Variants in SNX13 observed in about 807,000 individuals in gnomAD.
SNX13 encodes the protein sorting nexin 13, also known as sorting nexin-13.
A neutral mutation model predicts 133.6 loss-of-function variants in SNX13; 45 were observed. The ratio of observed to expected loss-of-function variants is 0.34; its 90% CI spans 0.27 to 0.43. SNX13 has a LOEUF of 0.43. Among genes scored for constraint, SNX13 ranks in the 20% least tolerant of loss-of-function variants. The pLI, the probability that SNX13 is intolerant of heterozygous loss-of-function variation, is 1.00. For synonymous variants in SNX13, 414 were observed against 373.9 expected, an observed-to-expected ratio of 1.11 and a Z score of -1.24; for missense variants, 1,032 against 1,145.1, an observed-to-expected ratio of 0.90 and a Z score of 1.43.
intron 5 of SNX13, chr7:17,882,359 C>A (rs1244660984): frequency 1.3e-5 from 2 of 152,070 alleles, no homozygotes; most frequent in Non-Finnish European, 2.9e-5. Flanking sequence ...TTATTGTTTT[C>A]AGCATTCTAT....
At chr7:17,824,100 T>G (rs995591633) in intron 17 of SNX13, among the ~76,000 whole-genome samples, 1 of 152,144 alleles carries the variant, frequency 6.6e-6, no homozygotes, top group African/African-American at 2.4e-5. Flanking sequence ...GTGATTTAGC[T>G]AGAAGGGTTT....
chr7:17,874,946 C>T (rs1220863384), intron 7 of SNX13, among the ~76,000 whole-genome samples: 2 of 152,202 alleles, frequency 1.3e-5, no homozygotes, highest in Non-Finnish European at 2.9e-5. Context: ...GAAATTACTA[C>T]AGATAAAAAA....
chr7:17,813,449 A>T (rs1264587350), intron 20 of SNX13, among the ~76,000 whole-genome samples: 2 of 152,224 alleles, frequency 1.3e-5, no homozygotes, highest in African/African-American at 4.8e-5. Context: ...TATTAAAAGA[A>T]AACACTAACT....
intron 4 of SNX13, 72 bp downstream of exon 4, chr7:17,891,474 T>A: frequency 1.8e-6 from 2 of 1,090,466 alleles, no homozygotes; most frequent in Non-Finnish European, 2.7e-6. Flanking sequence ...AAAAAGTATT[T>A]CCTGGTATCT....
intron 20 of SNX13, among the ~76,000 whole-genome samples, chr7:17,810,640 A>G (rs1785897570): frequency 6.6e-6 from 1 of 152,256 alleles, no homozygotes; most frequent in Admixed American, 6.5e-5. Context: ...AGTCCTTCCT[A>G]ACTCATTTTA....
intron 25 of SNX13, chr7:17,795,485 A>G (rs1201133262): frequency 1.3e-5 from 2 of 151,672 alleles, no homozygotes; most frequent in Admixed American, 1.3e-4. Flanking sequence ...CACCATCATC[A>G]TCTCAGTGAG....
At chr7:17,823,841 T>C (rs1027004445) in intron 17 of SNX13, among the ~76,000 whole-genome samples, 1 of 152,020 alleles carries the variant, frequency 6.6e-6, no homozygotes, top group African/African-American at 2.4e-5. Context: ...AGAGGCCAAT[T>C]AGGCAGCTAA....
intron 1 of SNX13, among the ~76,000 whole-genome samples, chr7:17,922,378 G>T (rs183872640): frequency 2.0e-5 from 3 of 152,272 alleles, no homozygotes; most frequent in Admixed American, 6.5e-5. Flanking sequence ...CTGCCCTCAT[G>T]TATATACCAC....
At chr7:17,867,119 T>C (rs1416132016) in intron 9 of SNX13, among the ~76,000 whole-genome samples, 1 of 152,196 alleles carries the variant, frequency 6.6e-6, no homozygotes. Flanking sequence ...TTTTTTATAG[T>C]TTTAATTGTG....
chr7:17,802,485 C>T (rs1784745079), intron 21 of SNX13, among the ~76,000 whole-genome samples: 1 of 152,124 alleles, frequency 6.6e-6, no homozygotes, highest in Admixed American at 6.6e-5. Context: ...TCAAGACCAT[C>T]TCAAGTTATT....
chr7:17,930,249 A>G (rs907446251), intron 1 of SNX13, among the ~76,000 whole-genome samples: 7 of 152,338 alleles, frequency 4.6e-5, no homozygotes, highest in African/African-American at 1.7e-4. Flanking sequence ...AGTCACACAT[A>G]TAAGAAAACT....
chr7:17,816,746 A>G (rs1355506025), intron 18 of SNX13, among the ~76,000 whole-genome samples: 1 of 152,240 alleles, frequency 6.6e-6, no homozygotes, highest in Non-Finnish European at 1.5e-5. Flanking sequence ...CAGAAAATAA[A>G]AAACATTGTC....
At chr7:17,915,383 C>A (rs1395399224) in intron 1 of SNX13, among the ~76,000 whole-genome samples, 1 of 152,216 alleles carries the variant, frequency 6.6e-6, no homozygotes, top group Non-Finnish European at 1.5e-5. Context: ...CTGGGCGGCA[C>A]TGGGGAGGTC....
chr7:17,869,990 A>C (rs1022981999), intron 8 of SNX13, among the ~76,000 whole-genome samples: 2 of 152,104 alleles, frequency 1.3e-5, no homozygotes, highest in African/African-American at 4.8e-5. Flanking sequence ...AGTTGGTGCA[A>C]TGAGTCGATT....
At chr7:17,858,948 T>A (rs1328244266) in intron 9 of SNX13, among the ~76,000 whole-genome samples, 2 of 151,982 alleles carry the variant, frequency 1.3e-5, no homozygotes, top group Non-Finnish European at 2.9e-5. Flanking sequence ...TCCACACACA[T>A]AAAAATGTGA....
At chr7:17,848,180 G>T (rs1203791047) in intron 11 of SNX13, among the ~76,000 whole-genome samples, 1 of 152,128 alleles carries the variant, frequency 6.6e-6, no homozygotes, top group Non-Finnish European at 1.5e-5. Flanking sequence ...ACTTCAGAGG[G>T]ACAGCTTGAT....
In SNX13 at chr7:17,897,325, T is replaced by A; in HGVS notation, c.125+9A>T. On this transcript the variant is annotated intron_variant, in intron 2 of 25. Coordinates refer to ENST00000428135, the MANE Select transcript of SNX13 (RefSeq NM_015132.5). ...CATGAATTATAAAATTATAATTGAG[T>A]ATACTTACCCACCCACAAAGCAGAG... The A allele has an allele frequency of 4.2e-6, 6 of 1,432,212 alleles. No individual in the cohort carries two copies. The highest frequency in any genetic ancestry group is 5.7e-6 in the Non-Finnish European group (6 of 1,053,100). 88.7% of individuals were successfully genotyped at this position (1,432,212 alleles called of 1,614,324 possible).
chr7:17,812,140 T>G (rs1786117763), intron 20 of SNX13, among the ~76,000 whole-genome samples: 1 of 151,994 alleles, frequency 6.6e-6, no homozygotes, highest in Non-Finnish European at 1.5e-5. Flanking sequence ...AAGCCAAAAT[T>G]GACAAATGGG....
intron 5 of SNX13, chr7:17,880,918 G>A (rs1730121858): frequency 6.6e-6 from 1 of 152,138 alleles, no homozygotes; most frequent in African/African-American, 2.4e-5. Flanking sequence ...AGCAGAAGAG[G>A]GGGATGAGCA....
Sources: allele counts gnomAD v4.1 joint callset (sites outside exome capture counted in the v4.1 genomes callset), GRCh38; gene constraint gnomAD v4.1.1; transcripts MANE v1.5; gene names NCBI Gene and HGNC (gene_info 2026-07-23, HGNC 2026-07-21).